Variants in NCOR2 observed in about 807,000 individuals in gnomAD.
The protein encoded by NCOR2 is CTG repeat protein 26.
A neutral mutation model predicts 262.9 loss-of-function variants in NCOR2; 81 were observed. That is an observed-to-expected ratio of 0.31 (90% CI 0.26 to 0.37). The LOEUF (loss-of-function observed/expected upper bound fraction) is 0.37, where lower values mean the gene tolerates loss of function less well. Ranked by LOEUF, NCOR2 falls within the 10% of genes least tolerant of loss-of-function variation. The pLI is 1.00. For missense variants in NCOR2, 3,385 were observed against 3,621.4 expected (o/e 0.93, Z 1.68); for synonymous variants, 1,659 against 1,559.3 (o/e 1.06, Z -1.51).
At chr12:124,331,254 G>A (rs1447320758) in intron 43 of NCOR2, among the ~76,000 whole-genome samples, 1 of 151,944 alleles carries the variant, frequency 6.6e-6, no homozygotes, top group Non-Finnish European at 1.5e-5. Context: ...GTAGAGACGG[G>A]GTTTCACCAT....
Position 124,360,084 on chromosome 12 carries a change from G to A in NCOR2, c.3100+2042C>T, listed in dbSNP as rs372588912. On this transcript the variant is annotated intron_variant, in intron 22 of 46. Coordinates refer to ENST00000405201, the Ensembl canonical transcript of NCOR2. ...CCTTTCTCCCAGGACAGGGGCCTGC[G>A]ACCTGGCTCAGCAGGACCTGGCTGG... Among the ~76,000 whole-genome samples, 26 of 152,330 alleles carry A rather than the reference G, an allele frequency of 1.7e-4. No individual in the cohort carries two copies. The South Asian group carries it at 2.1e-3, about 12-fold the overall frequency.
intron 16 of NCOR2, among the ~76,000 whole-genome samples, chr12:124,390,478 A>ACCCCCCCCCCCCTCCCCCCC (rs34149760): frequency 8.3e-6 from 1 of 121,110 alleles, no homozygotes; most frequent in Non-Finnish European, 1.8e-5. Context: ...CTCCAAAGTG[A>ACCCCCCCCCCCCTCCCCCCC]CCCCCCCCCG....
intron 13 of NCOR2, among the ~76,000 whole-genome samples, chr12:124,416,629 CGGCACAGATAGACCCGT>C (rs892813953): frequency 9.2e-5 from 13 of 141,920 alleles, no homozygotes; most frequent in Admixed American, 8.4e-4. Flanking sequence ...GGAGTCCCCG[CGGCACAGATAGACCCGT>C]GGCACAGGGA....
At chr12:124,372,568 G>A in exon 20 of NCOR2, 1 of 1,598,388 alleles carries the variant, frequency 6.3e-7, no homozygotes, top group Non-Finnish European at 8.5e-7. Flanking sequence ...CTCAGTGTGA[G>A]GAGAGGGGAT....
chr12:124,348,287 T>G (rs781712160), exon 29 of NCOR2: 1 of 1,612,088 alleles, frequency 6.2e-7, no homozygotes, highest in African/African-American at 1.3e-5. Context: ...GCCGTCCTCC[T>G]TGGAGCACTG....
At chr12:124,367,692 GCA>G (rs1275969604) in intron 20 of NCOR2, among the ~76,000 whole-genome samples, 2 of 152,250 alleles carry the variant, frequency 1.3e-5, no homozygotes, top group East Asian at 3.9e-4. Context: ...GAGTGCAGTG[GCA>G]CAATCTTGGC....
intron 1 of NCOR2, chr12:124,514,087 G>A (rs546502682): frequency 1.3e-5 from 2 of 152,400 alleles, no homozygotes; most frequent in Admixed American, 1.3e-4. Context: ...GCTGGAGTGT[G>A]AATGTTTATG....
At chr12:124,326,503 C>T (rs2034655764) in intron 45 of NCOR2, 133 bp from the exon 48 acceptor site, 4 of 873,776 alleles carry the variant, frequency 4.6e-6, no homozygotes, top group Non-Finnish European at 4.7e-6. Context: ...GTAACGTGAA[C>T]CCCTCCTCCC....
At chr12:124,476,439 G>C (rs2047102041) in intron 3 of NCOR2, among the ~76,000 whole-genome samples, 1 of 152,244 alleles carries the variant, frequency 6.6e-6, no homozygotes, top group African/African-American at 2.4e-5. Context: ...ACCAAGAAGA[G>C]AGATAACAGA....
intron 5 of NCOR2, among the ~76,000 whole-genome samples, chr12:124,459,234 G>A (rs1370734886): frequency 2.0e-5 from 3 of 152,064 alleles, no homozygotes; most frequent in African/African-American, 4.8e-5. Flanking sequence ...TGATACCAAC[G>A]GAAAGGGCCA....
chr12:124,532,837 A>G (rs1333831403), intron 1 of NCOR2, among the ~76,000 whole-genome samples: 1 of 145,170 alleles, frequency 6.9e-6, no homozygotes, highest in African/African-American at 2.6e-5. Context: ...TGAGTTCATC[A>G]CTTTGTGGGG....
At chr12:124,325,386 C>G (rs1044955275) in exon 47 of NCOR2, 6 of 589,822 alleles carry the variant, frequency 1.0e-5, no homozygotes, top group African/African-American at 2.1e-5. Flanking sequence ...CGCCCCCCCC[C>G]CCGCCCTGTT....
chr12:124,402,387 ACAGCAGG>A lies in NCOR2; in HGVS notation c.1640+10_1640+16del. ...GGTCAGCGGCCGGGCCCTGCAGGGG[ACAGCAGG>A]CTGCCTTACTTGAGGAGGTCTTCCT... On this transcript the variant is annotated intron_variant, in intron 14 of 46. Transcript: ENST00000405201. 6.2e-7 allele frequency: 1 copy of A among 1,613,748 alleles called. No homozygotes were observed. The highest frequency in any genetic ancestry group is 8.5e-7 in the Non-Finnish European group (1 of 1,179,764).
Position 124,457,203 on chromosome 12 carries a change from C to CA in NCOR2, c.706-42dup, listed in dbSNP as rs773307796. On this transcript the variant is annotated intron_variant, in intron 5 of 46. Coordinates refer to ENST00000405201, the Ensembl canonical transcript of NCOR2. The surrounding 1 kb of genome is among the most constrained non-coding windows in gnomAD (Gnocchi z 4.0). ...GAAGAGGAGGAATTTTTTTAAAAAA[C>CA]AAAAAAACACAGATTATAAATAGAG... The CA allele has an allele frequency of 3.2e-5, 49 of 1,529,728 alleles. No individual in the cohort carries two copies. Among genetic ancestry groups the CA allele is most frequent in the Non-Finnish European group, 3.8e-5 (43 of 1,146,272 alleles). 94.8% of individuals were successfully genotyped at this position (1,529,728 alleles called of 1,614,324 possible).
chr12:124,399,920 A>C (rs1194134290), intron 15 of NCOR2, among the ~76,000 whole-genome samples: 4 of 152,124 alleles, frequency 2.6e-5, no homozygotes, highest in Admixed American at 2.0e-4. Flanking sequence ...TTCTCAACAG[A>C]AGGGGAAACT....
intron 33 of NCOR2, 62 bp from the exon 36 acceptor site, chr12:124,342,136 A>G: frequency 6.6e-7 from 1 of 1,525,284 alleles, no homozygotes; most frequent in Non-Finnish European, 8.8e-7. Flanking sequence ...GTGTCGCTCC[A>G]CCTGTCTGGA....
In NCOR2 at chr12:124,413,245, G is replaced by A. The variant is rs899764887; in HGVS notation, c.1482+6712C>T. Among the ~76,000 whole-genome samples the A allele has an allele frequency of 5.9e-5, 9 of 152,316 alleles. No individual in the cohort carries two copies. The South Asian group carries it at 8.3e-4, about 14-fold the overall frequency. ...GGAGGGGCGGTCGTGCCCACTCCCC[G>A]ACACCTCGGAAGTCCTACCCTGTGT... is the stretch of plus-strand genomic sequence containing the variant. On this transcript the variant is annotated intron_variant, in intron 13 of 46. Coordinates refer to ENST00000405201, the Ensembl canonical transcript of NCOR2.
At chr12:124,400,857 A>G (rs953785378) in intron 14 of NCOR2, among the ~76,000 whole-genome samples, 184 bp from the exon 17 acceptor site, 1 of 152,208 alleles carries the variant, frequency 6.6e-6, no homozygotes, top group African/African-American at 2.4e-5. Flanking sequence ...CAGGGGCTCC[A>G]TGTTCACCAG....
At position 124,503,942 on chromosome 12, in the gene NCOR2, C is replaced by T. The variant is rs1417242183; in HGVS notation, c.-117-8574G>A. 6.6e-6 allele frequency among the ~76,000 whole-genome samples: 1 copy of T among 152,158 alleles called. No individual in the cohort carries two copies. The highest frequency in any genetic ancestry group is 1.5e-5 in the Non-Finnish European group (1 of 68,026). ...CACATGCCCAGCTCCATGAGGGACACAGAAAGGCACTGTCGCCTTCAGGAA... is the reference window on the plus strand; with the variant it reads ...CACATGCCCAGCTCCATGAGGGACATAGAAAGGCACTGTCGCCTTCAGGAA... On this transcript the variant is annotated intron_variant, in intron 1 of 46. Coordinates refer to the NCOR2 transcript ENST00000404621. The surrounding 1 kb of genome is among the most constrained non-coding windows in gnomAD (Gnocchi z 4.3).
Sources: gnomAD v4.1 joint callset for allele counts (sites outside exome capture counted in the v4.1 genomes callset) on GRCh38, gnomAD v4.1.1 for gene constraint, Gnocchi (gnomAD v3.1) non-coding constraint, MANE v1.5 for transcripts, NCBI Gene and HGNC (gene_info 2026-07-23, HGNC 2026-07-21) for gene names.